The following KRCC1 variants were observed in gnomAD, a reference collection of about 807,000 sequenced individuals.
KRCC1 encodes lysine rich coiled-coil 1.
A neutral mutation model predicts 7.4 loss-of-function variants in KRCC1; 3 were observed. The ratio of observed to expected loss-of-function variants is 0.40; its 90% CI spans 0.18 to 1.04. The LOEUF (loss-of-function observed/expected upper bound fraction) is 1.04. Ranked by LOEUF, KRCC1 falls within the 50% of genes least tolerant of loss-of-function variation. The probability of loss-of-function intolerance (pLI) is 0.33; values close to 1 mark genes in which losing one functional copy is unlikely to be tolerated. For missense variants in KRCC1, 277 were observed against 300.9 expected, an observed-to-expected ratio of 0.92 and a Z score of 0.59; for synonymous variants, 102 against 101.6, an observed-to-expected ratio of 1.00 and a Z score of -0.02.
chr2:88,049,617 C>G (rs1413397530), intron 1 of KRCC1, among the ~76,000 whole-genome samples: 2 of 152,084 alleles, frequency 1.3e-5, no homozygotes, highest in East Asian at 3.9e-4. Context: ...CCTCTGCACT[C>G]CAGCCTGGGC....
chr2:88,033,584 T>C (rs1673037119), intron 3 of KRCC1, among the ~76,000 whole-genome samples: 2 of 152,228 alleles, frequency 1.3e-5, no homozygotes. Flanking sequence ...AATTGGGTGA[T>C]GGATACATGA....
intron 1 of KRCC1, among the ~76,000 whole-genome samples, chr2:88,050,171 A>G (rs1247290798): frequency 2.0e-5 from 3 of 152,174 alleles, no homozygotes; most frequent in African/African-American, 4.8e-5. Context: ...TATTAGCTAG[A>G]TTTTCTTTAT....
At chr2:88,047,810 T>A (rs1673375263) in intron 1 of KRCC1, among the ~76,000 whole-genome samples, 1 of 152,208 alleles carries the variant, frequency 6.6e-6, no homozygotes, top group Non-Finnish European at 1.5e-5. Flanking sequence ...ATTACAGGCA[T>A]GAGCCACCAT....
chr2:88,030,756 C>T (rs1672976537), intron 3 of KRCC1, among the ~76,000 whole-genome samples: 1 of 152,198 alleles, frequency 6.6e-6, no homozygotes, highest in East Asian at 1.9e-4. Flanking sequence ...GTTAAACATA[C>T]ATTTACCCCA....
intron 1 of KRCC1, among the ~76,000 whole-genome samples, chr2:88,042,340 G>A (rs1246149141): frequency 6.6e-6 from 1 of 152,072 alleles, no homozygotes; most frequent in Admixed American, 6.6e-5. Flanking sequence ...GATTACAGGC[G>A]TGAGCCACTG....
chr2:88,041,498 C>T (rs934863082), intron 1 of KRCC1, among the ~76,000 whole-genome samples: 9 of 152,148 alleles, frequency 5.9e-5, no homozygotes, highest in African/African-American at 2.2e-4. Flanking sequence ...TGTTTAATAC[C>T]TCTATGTCAA....
chr2:88,046,305 C>A (rs1485274815), intron 1 of KRCC1, among the ~76,000 whole-genome samples: 1 of 152,184 alleles, frequency 6.6e-6, no homozygotes, highest in Non-Finnish European at 1.5e-5. Flanking sequence ...CCTTAGGTTC[C>A]TTACCTCTAA....
chr2:88,031,379 T>C (rs2104604523), intron 3 of KRCC1, among the ~76,000 whole-genome samples: 1 of 152,022 alleles, frequency 6.6e-6, no homozygotes, highest in South Asian at 2.1e-4. Context: ...TCCCAGAACT[T>C]TGGGAGGCCA....
At chr2:88,041,703 A>G (rs1295497635) in intron 1 of KRCC1, among the ~76,000 whole-genome samples, 1 of 152,240 alleles carries the variant, frequency 6.6e-6, no homozygotes. Context: ...AAATTTTGAC[A>G]TCACCTCTCT....
chr2:88,047,663 G>T (rs2104623974), intron 1 of KRCC1, among the ~76,000 whole-genome samples: 1 of 152,060 alleles, frequency 6.6e-6, no homozygotes, highest in African/African-American at 2.4e-5. Context: ...CGAGTAGCTG[G>T]GACTACAGGC....
At chr2:88,050,722 C>T (rs953459226) in intron 1 of KRCC1, among the ~76,000 whole-genome samples, 1 of 152,140 alleles carries the variant, frequency 6.6e-6, no homozygotes, top group Admixed American at 6.5e-5. Flanking sequence ...TTTAGTGAAA[C>T]TTTTTTTAAC....
chr2:88,037,474 T>A (rs1029813727), intron 1 of KRCC1, among the ~76,000 whole-genome samples: 2 of 152,150 alleles, frequency 1.3e-5, no homozygotes, highest in African/African-American at 2.4e-5. Flanking sequence ...ATTTTTTTTT[T>A]AAAACAGGGT....
chr2:88,033,403 G>A (rs1673031778), intron 3 of KRCC1, among the ~76,000 whole-genome samples: 1 of 152,158 alleles, frequency 6.6e-6, no homozygotes, highest in Non-Finnish European at 1.5e-5. Flanking sequence ...GCACATGCCT[G>A]TAGTCCCAGC....
At chr2:88,041,809 G>A (rs1440595437) in intron 1 of KRCC1, among the ~76,000 whole-genome samples, 1 of 152,196 alleles carries the variant, frequency 6.6e-6, no homozygotes, top group African/African-American at 2.4e-5. Flanking sequence ...GTGGAGTAAA[G>A]TGAAATTATC....
Position 88,028,664 on chromosome 2 carries a change from T to TTTTTTTTC in KRCC1, c.-22-80_-22-79insGAAAAAAA, listed in dbSNP as rs60603649. 1.1e-5 allele frequency: 8 copies of TTTTTTTTC among 712,272 alleles called. 1 individual carries two copies. Among genetic ancestry groups the TTTTTTTTC allele is most frequent in the Non-Finnish European group, 1.3e-5 (6 of 456,836 alleles). 44.1% of individuals were successfully genotyped at this position (712,272 alleles called of 1,614,324 possible). ...TTGCTCTTTTTTTTTTTTTTTTTTT[T>TTTTTTTTC]CTTGAGATGGCGTCTCGCCCTGTCG... On this transcript the variant is annotated intron_variant, in intron 3 of 3. Coordinates refer to ENST00000347055, the MANE Select transcript of KRCC1 (RefSeq NM_016618.3).
chr2:88,037,619 G>T (rs1194739772), intron 1 of KRCC1, among the ~76,000 whole-genome samples: 1 of 152,142 alleles, frequency 6.6e-6, no homozygotes, highest in African/African-American at 2.4e-5. Flanking sequence ...ATGTTGCCCA[G>T]GCTGGTCTCG....
At chr2:88,044,090 C>A (rs1455834026) in intron 1 of KRCC1, among the ~76,000 whole-genome samples, 1 of 152,226 alleles carries the variant, frequency 6.6e-6, no homozygotes, top group Non-Finnish European at 1.5e-5. Context: ...TCCATGGTTG[C>A]AGTTAGTAAA....
At chr2:88,053,632 T>G (rs1004059645) in intron 1 of KRCC1, among the ~76,000 whole-genome samples, 2 of 152,232 alleles carry the variant, frequency 1.3e-5, no homozygotes, top group Admixed American at 1.3e-4. Flanking sequence ...ATCATTTGGT[T>G]GCAATGACTA....
chr2:88,054,055 C>T (rs1673557918), intron 1 of KRCC1, among the ~76,000 whole-genome samples: 1 of 152,224 alleles, frequency 6.6e-6, no homozygotes, highest in Non-Finnish European at 1.5e-5. Flanking sequence ...TAAGCCTTAT[C>T]TCATGATTTG....
Sources: allele counts gnomAD v4.1 joint callset (sites outside exome capture counted in the v4.1 genomes callset), GRCh38; gene constraint gnomAD v4.1.1; transcripts MANE v1.5; gene names NCBI Gene and HGNC (gene_info 2026-07-23, HGNC 2026-07-21).